ILF2: variants seen among roughly 807,000 people sequenced by gnomAD.
ILF2 encodes interleukin enhancer-binding factor 2.
In ILF2, 9 loss-of-function variants were observed where a neutral mutation model predicts 55.3. The observed-to-expected ratio is 0.16, with a 90% CI of 0.10 to 0.28. The LOEUF (loss-of-function observed/expected upper bound fraction) is 0.28. Among genes scored for constraint, ILF2 ranks in the 10% least tolerant of loss-of-function variants. The pLI, the probability that ILF2 is intolerant of heterozygous loss-of-function variation, is 1.00. For missense variants in ILF2, 266 were observed against 474.9 expected (o/e 0.56, Z 4.09); for synonymous variants, 151 against 161.8 (o/e 0.93, Z 0.50).
intron 5 of ILF2, 123 bp downstream of exon 5, chr1:153,667,877 G>A: frequency 2.7e-6 from 2 of 739,616 alleles, no homozygotes; most frequent in Non-Finnish European, 4.6e-6. Flanking sequence ...AAATTCCACT[G>A]TACTTTCTCA....
At chr1:153,662,897 G>T in intron 12 of ILF2, 102 bp from the exon 13 acceptor site, 2 of 1,324,254 alleles carry the variant, frequency 1.5e-6, no homozygotes, top group Non-Finnish European at 2.2e-6. Flanking sequence ...TAAATCTCAG[G>T]ACCAAAGTCT....
chr1:153,670,676 C>T (rs910998186), intron 1 of ILF2, among the ~76,000 whole-genome samples: 1 of 152,102 alleles, frequency 6.6e-6, no homozygotes, highest in Non-Finnish European at 1.5e-5. Flanking sequence ...CTCATCGCAA[C>T]CCTTCAGAGA....
At chr1:153,662,665 G>T (rs1239271165) in intron 13 of ILF2, 40 bp downstream of exon 13, 1 of 1,588,034 alleles carries the variant, frequency 6.3e-7, no homozygotes, top group East Asian at 2.2e-5. Context: ...CTCTGTACCA[G>T]ATTACAATAC....
intron 1 of ILF2, 147 bp from the exon 2 acceptor site, chr1:153,670,377 G>T: frequency 2.8e-6 from 2 of 713,968 alleles, no homozygotes; most frequent in Non-Finnish European, 4.8e-6. Context: ...TCCAAATGGT[G>T]CCCAGTTACA....
At chr1:153,665,776 A>C (rs1177499521) in intron 6 of ILF2, 48 bp from the exon 7 acceptor site, 1 of 1,415,864 alleles carries the variant, frequency 7.1e-7, no homozygotes, top group Non-Finnish European at 9.9e-7. Context: ...ATTTGCCTAG[A>C]CTTTCTATGT....
chr1:153,666,448 G>C (rs1669308689), intron 6 of ILF2, among the ~76,000 whole-genome samples: 1 of 152,226 alleles, frequency 6.6e-6, no homozygotes, highest in South Asian at 2.1e-4. Context: ...TTACAGGCGT[G>C]AGCCACTGCA....
At chr1:153,664,375 A>C in intron 9 of ILF2, 21 bp downstream of exon 9, 9 of 1,598,578 alleles carry the variant, frequency 5.6e-6, no homozygotes, top group Non-Finnish European at 7.7e-6. Context: ...TCTTAATCCA[A>C]ATGGTTAGAG....
intron 8 of ILF2, 62 bp from the exon 9 acceptor site, chr1:153,664,536 C>A (rs1669258780): frequency 7.7e-7 from 1 of 1,290,514 alleles, no homozygotes; most frequent in Non-Finnish European, 1.1e-6. Flanking sequence ...TACTCATTAC[C>A]ACTGCTACAG....
At chr1:153,662,829 A>G (rs949338030) in intron 12 of ILF2, 34 bp from the exon 13 acceptor site, 2 of 1,566,434 alleles carry the variant, frequency 1.3e-6, no homozygotes, top group African/African-American at 1.4e-5. Context: ...AAGCAAGGAA[A>G]ATCAAAGGAC....
chr1:153,665,812 T>C (rs1669292211), intron 6 of ILF2, 84 bp from the exon 7 acceptor site: 1 of 992,178 alleles, frequency 1.0e-6, no homozygotes, highest in East Asian at 2.4e-5. Flanking sequence ...TGCACTCTCA[T>C]TTCTGTCCCA....
intron 3 of ILF2, among the ~76,000 whole-genome samples, chr1:153,669,497 T>A (rs1268735051): frequency 6.6e-6 from 1 of 152,156 alleles, no homozygotes. Context: ...ACCATCTTTT[T>A]TTTTTTGTAG....
At chr1:153,665,759 A>G in intron 6 of ILF2, 31 bp from the exon 7 acceptor site, 1 of 1,548,630 alleles carries the variant, frequency 6.5e-7, no homozygotes, top group East Asian at 2.2e-5. Context: ...TAATGTTATA[A>G]TAATTTATTT....
chr1:153,665,068 G>C, intron 8 of ILF2, 152 bp downstream of exon 8: 1 of 584,110 alleles, frequency 1.7e-6, no homozygotes. Flanking sequence ...CCAAATTACA[G>C]AGGGAGAGAG....
rs1447046645 is a variant in ILF2 at position 153,662,426 on chromosome 1, C to T, written c.1143G>A (p.Glu381=). 6.2e-7 allele frequency: 1 copy of T among 1,613,980 alleles called. No individual in the cohort carries two copies. Among genetic ancestry groups the T allele is most frequent in the Admixed American group, 1.7e-5 (1 of 60,000 alleles). The change falls in exon 14 of 14, where the codon GAG becomes GAA. Residue 381 remains glutamate (E), a synonymous_variant. Coordinates refer to ENST00000361891, the MANE Select transcript of ILF2 (RefSeq NM_004515.4). ...CCTGAGTTTCCATGCTTTCTTCTTC[C>T]TCTCCTTGAGGTGGTTCTTCTGTAT... ...EENTEEPPQG[E]EEESMETQE
Position 153,663,082 on chromosome 1 carries a change from A to AAAGTTGCCACT in ILF2, c.857_858insAGTGGCAACTT (p.Ile287ValfsTer20). On this transcript the variant is annotated frameshift_variant, in exon 12 of 14. Transcript: ENST00000361891. LOFTEE classifies it high-confidence loss of function. ...TGCCACTCTCACAGGGGTCAGTGAT[A>AAAGTTGCCACT]CCCACTGAACCTGGCAGGAACAGTC... 1 of 1,614,080 alleles carries AAAGTTGCCACT rather than the reference A, an allele frequency of 6.2e-7. No individual in the cohort carries two copies. The highest frequency in any genetic ancestry group is 8.5e-7 in the Non-Finnish European group (1 of 1,179,970).
chr1:153,668,408 T>C, intron 4 of ILF2, 45 bp downstream of exon 4: 1 of 1,611,038 alleles, frequency 6.2e-7, no homozygotes, highest in Admixed American at 1.7e-5. Context: ...CCAATACTTT[T>C]AACTGCTTTA....
chr1:153,669,612 T>C (rs995772235), intron 3 of ILF2, among the ~76,000 whole-genome samples: 1 of 152,136 alleles, frequency 6.6e-6, no homozygotes, highest in African/African-American at 2.4e-5. Flanking sequence ...AGCCAACTTT[T>C]TTATTTTTAG....
chr1:153,667,321 T>G, intron 6 of ILF2: 1 of 552,628 alleles, frequency 1.8e-6, no homozygotes, highest in Non-Finnish European at 3.2e-6. Flanking sequence ...CTACAAAAAA[T>G]ACAAAAATTA....
chr1:153,662,606 A>ATTAC (rs1437849083), intron 13 of ILF2, 50 bp from the exon 14 acceptor site: 1 of 1,578,312 alleles, frequency 6.3e-7, no homozygotes, highest in Non-Finnish European at 8.7e-7. Context: ...CATAAAAGTC[A>ATTAC]TTACTTACAC....
Sources: allele counts gnomAD v4.1 joint callset (sites outside exome capture counted in the v4.1 genomes callset), GRCh38; gene constraint gnomAD v4.1.1; transcripts MANE v1.5; gene names NCBI Gene and HGNC (gene_info 2026-07-23, HGNC 2026-07-21).